Variants in DARS1 observed in about 807,000 individuals in gnomAD.
The protein encoded by DARS1 is aspartate--tRNA ligase, cytoplasmic.
Under a neutral mutation model 68.8 loss-of-function variants are expected in DARS1, and 51 were observed. The ratio of observed to expected loss-of-function variants is 0.74; its 90% CI spans 0.59 to 0.94. The LOEUF is 0.94. Among genes scored for constraint, DARS1 ranks in the 40% least tolerant of loss-of-function variants. The pLI is 0.00. For synonymous variants in DARS1, 203 were observed against 190.4 expected (o/e 1.07, Z -0.55); for missense variants, 607 against 597.3 (o/e 1.02, Z -0.17).
intron 4 of DARS1, among the ~76,000 whole-genome samples, chr2:135,954,325 CAAA>C (rs1172207033): frequency 6.1e-5 from 5 of 81,466 alleles, no homozygotes; most frequent in Admixed American, 5.1e-4. Context: ...AAAACAAAAC[CAAA>C]AAAAAAAAAA....
Position 135,955,673 on chromosome 2 carries a change from CTTTTTTTTT to C in DARS1, c.320+5714_320+5722del, listed in dbSNP as rs75123258. Among the ~76,000 whole-genome samples, 392 of 61,312 alleles carry C rather than the reference CTTTTTTTTT, an allele frequency of 6.4e-3. 3 individuals are homozygous for C. Among genetic ancestry groups the C allele is most frequent in the East Asian group, 0.039 (45 of 1,146 alleles). 40.2% of individuals were successfully genotyped at this position (61,312 alleles called of 152,430 possible). The stretch of plus-strand genomic sequence containing the variant: ...ACCACCACCTTTTGAAAATAAAAAT[CTTTTTTTTT>C]TTTTTTTTTTTTTTTTTTTTTTTAG... On this transcript the variant is annotated intron_variant, in intron 4 of 15. Coordinates refer to ENST00000264161, the MANE Select transcript of DARS1 (RefSeq NM_001349.4).
chr2:135,952,559 C>G (rs1426644607), intron 4 of DARS1, among the ~76,000 whole-genome samples: 3 of 152,086 alleles, frequency 2.0e-5, no homozygotes, highest in African/African-American at 7.2e-5. Flanking sequence ...TCTCCCTCAT[C>G]CCCCTCTGCC....
At chr2:135,969,333 C>T (rs1309702879) in intron 3 of DARS1, among the ~76,000 whole-genome samples, 4 of 151,338 alleles carry the variant, frequency 2.6e-5, no homozygotes, top group East Asian at 3.9e-4. Context: ...TGTGCACATA[C>T]GTGCATTATA....
In DARS1 at chr2:135,961,476, T is replaced by C; in HGVS notation, c.240A>G (p.Leu80=). ...RAKGKQCFLV[L]RQQQFNVQAL... is the part of the protein sequence containing the mutation. ...CCTGGACATTAAACTGCTGCTGACG[T>C]AGGACTAAGAAGCACTGTTTCCCTG... The change falls in exon 4 of 16, where the codon CTA becomes CTG. Residue 80 remains leucine (L), a synonymous_variant. Transcript: ENST00000264161. 2.0e-6 allele frequency: 3 copies of C among 1,506,582 alleles called. No homozygotes were observed. Among genetic ancestry groups the C allele is most frequent in the Non-Finnish European group, 1.8e-6 (2 of 1,081,694 alleles). 93.3% of individuals were successfully genotyped at this position (1,506,582 alleles called of 1,614,324 possible).
chr2:135,944,181 A>C (rs1289915340), intron 4 of DARS1, among the ~76,000 whole-genome samples: 2 of 152,232 alleles, frequency 1.3e-5, no homozygotes, highest in Non-Finnish European at 2.9e-5. Flanking sequence ...CTTATTAAAC[A>C]CAATGATTAT....
intron 3 of DARS1, among the ~76,000 whole-genome samples, chr2:135,963,022 C>T (rs1682133893): frequency 6.6e-6 from 1 of 152,170 alleles, no homozygotes; most frequent in Non-Finnish European, 1.5e-5. Context: ...CCTCACAAAG[C>T]TGTCCAGTGA....
chr2:135,954,492 A>C (rs1183687468), intron 4 of DARS1, among the ~76,000 whole-genome samples: 2 of 152,174 alleles, frequency 1.3e-5, no homozygotes, highest in Non-Finnish European at 2.9e-5. Flanking sequence ...AATAAGAGTC[A>C]GTTATTATAA....
At chr2:135,933,654 T>C (rs529950762) in intron 6 of DARS1, among the ~76,000 whole-genome samples, 1 of 152,264 alleles carries the variant, frequency 6.6e-6, no homozygotes, top group East Asian at 1.9e-4. Context: ...TATTTAAAAA[T>C]GTTTTAATTC....
At chr2:135,956,096 T>C (rs1377330574) in intron 4 of DARS1, among the ~76,000 whole-genome samples, 1 of 152,210 alleles carries the variant, frequency 6.6e-6, no homozygotes, top group African/African-American at 2.4e-5. Flanking sequence ...TGAATCAGCA[T>C]CTTAGCTTTG....
At chr2:135,914,534 G>A (rs1388785551) in intron 11 of DARS1, 23 bp from the exon 12 acceptor site, 1 of 1,290,176 alleles carries the variant, frequency 7.8e-7, no homozygotes, top group Admixed American at 1.7e-5. Context: ...CGTGAAATCA[G>A]TGTTTGAAGA....
intron 7 of DARS1, 77 bp downstream of exon 7, chr2:135,932,706 G>A (rs1034505334): frequency 2.5e-6 from 2 of 787,494 alleles, no homozygotes; most frequent in Non-Finnish European, 2.2e-6. Flanking sequence ...AGCTTTATAA[G>A]CCTGAGACAG....
chr2:135,916,464 G>A, intron 10 of DARS1, 92 bp from the exon 11 acceptor site: 1 of 686,542 alleles, frequency 1.5e-6, no homozygotes, highest in Non-Finnish European at 2.6e-6. Flanking sequence ...ATCAATCTTT[G>A]AATCAGTATA....
At chr2:135,974,997 AAAAT>A (rs1682463331) in intron 3 of DARS1, among the ~76,000 whole-genome samples, 1 of 93,224 alleles carries the variant, frequency 1.1e-5, no homozygotes, top group African/African-American at 4.8e-5. Flanking sequence ...TGAGAAAAAT[AAAAT>A]ATATGTAAAA....
At chr2:135,945,274 T>C (rs983542847) in intron 4 of DARS1, among the ~76,000 whole-genome samples, 7 of 152,104 alleles carry the variant, frequency 4.6e-5, no homozygotes, top group African/African-American at 1.7e-4. Context: ...ATTACAGGCA[T>C]GTGCCACCAT....
intron 3 of DARS1, among the ~76,000 whole-genome samples, chr2:135,964,245 T>C (rs750275168): frequency 1.3e-5 from 2 of 152,232 alleles, no homozygotes; most frequent in African/African-American, 2.4e-5. Context: ...AAAATGTGGC[T>C]ACCAATGAAT....
intron 1 of DARS1, among the ~76,000 whole-genome samples, chr2:135,984,510 G>A (rs77390314): frequency 0.012 from 1,775 of 152,224 alleles, 14 homozygotes; most frequent in Non-Finnish European, 0.014. Flanking sequence ...GATAACCCTG[G>A]CCAGAGTAGA....
chr2:135,955,143 C>CAAAAAAAAAAAAAAAA (rs76946722), intron 4 of DARS1, among the ~76,000 whole-genome samples: 1 of 109,596 alleles, frequency 9.1e-6, no homozygotes. Flanking sequence ...TTACCACCAC[C>CAAAAAAAAAAAAAAAA]AAAAAAAAAA....
In DARS1 at chr2:135,961,615, C is replaced by T. The variant is rs1324293178; in HGVS notation, c.218-117G>A. On this transcript the variant is annotated intron_variant, in intron 3 of 15. Transcript: ENST00000264161. ...CAAAATTTACTATACTCATCAGGCA[C>T]GCATGCATGTGTATACTATCCATTT... The T allele has an allele frequency of 4.9e-5, 33 of 675,804 alleles. 3 individuals are homozygous for T. The highest frequency in any genetic ancestry group is 3.7e-4 in the South Asian group (22 of 59,420). The allele number at this position is 675,804 out of a possible 1,614,324, so 41.9% of individuals were successfully genotyped here.
At chr2:135,938,568 A>G (rs309145) in intron 5 of DARS1, among the ~76,000 whole-genome samples, 77,779 of 152,090 alleles carry the variant, frequency 0.51, 24,476 homozygotes, top group African/African-American at 0.82. Context: ...GATAAGAGGC[A>G]CTCTGATTTT....
Sources: allele counts gnomAD v4.1 joint callset (sites outside exome capture counted in the v4.1 genomes callset), GRCh38; gene constraint gnomAD v4.1.1; transcripts MANE v1.5; gene names NCBI Gene and HGNC (gene_info 2026-07-23, HGNC 2026-07-21).